The following SLC1A1 variants were observed in gnomAD, a reference collection of about 807,000 sequenced individuals.
SLC1A1 encodes the protein excitatory amino acid transporter 3.
SLC1A1 carries 43 observed loss-of-function variants against 53.3 expected under a neutral mutation model. That is an observed-to-expected ratio of 0.81 (90% CI 0.63 to 1.04). SLC1A1 has a LOEUF of 1.04. Ranked by LOEUF, SLC1A1 falls within the 50% of genes least tolerant of loss-of-function variation. The probability of loss-of-function intolerance (pLI) is 0.00; values close to 1 mark genes in which losing one functional copy is unlikely to be tolerated. For missense variants in SLC1A1, 748 were observed against 664.9 expected (o/e 1.12, Z -1.37); for synonymous variants, 307 against 243.2 (o/e 1.26, Z -2.44).
chr9:4,534,488 T>C (rs1351030541), intron 1 of SLC1A1, among the ~76,000 whole-genome samples: 1 of 152,090 alleles, frequency 6.6e-6, no homozygotes, highest in Admixed American at 6.5e-5. Flanking sequence ...CCTGGACACA[T>C]ACACCCTCCC....
chr9:4,543,338 G>C (rs1817177953), intron 1 of SLC1A1, among the ~76,000 whole-genome samples: 1 of 152,016 alleles, frequency 6.6e-6, no homozygotes, highest in South Asian at 2.1e-4. Flanking sequence ...GCCGATGAAG[G>C]AAAAAAGATG....
At chr9:4,578,345 G>C (rs560066011) in intron 10 of SLC1A1, among the ~76,000 whole-genome samples, 1 of 152,316 alleles carries the variant, frequency 6.6e-6, no homozygotes, top group South Asian at 2.1e-4. Flanking sequence ...TATTCAAGTA[G>C]TGGCAATTAA....
chr9:4,576,816 G>C, intron 10 of SLC1A1, 53 bp downstream of exon 10: 2 of 1,522,358 alleles, frequency 1.3e-6, no homozygotes, highest in Non-Finnish European at 1.8e-6. Flanking sequence ...ATTACCGCCA[G>C]TAAAAATTGT....
At chr9:4,504,443 C>T (rs957269112) in intron 1 of SLC1A1, among the ~76,000 whole-genome samples, 4 of 152,168 alleles carry the variant, frequency 2.6e-5, no homozygotes, top group African/African-American at 4.8e-5. Context: ...TGAACAACTG[C>T]GTGGGTAAAC....
At chr9:4,505,342 C>T (rs1367535954) in intron 1 of SLC1A1, among the ~76,000 whole-genome samples, 1 of 152,124 alleles carries the variant, frequency 6.6e-6, no homozygotes. Context: ...AGCCACCGCA[C>T]CCGGCCCATA....
At chr9:4,501,081 G>C (rs1021928490) in intron 1 of SLC1A1, among the ~76,000 whole-genome samples, 2 of 152,210 alleles carry the variant, frequency 1.3e-5, no homozygotes, top group Non-Finnish European at 2.9e-5. Flanking sequence ...CCCTTTCTTA[G>C]TCTCAGAGTC....
At chr9:4,539,595 G>A (rs778557155) in intron 1 of SLC1A1, among the ~76,000 whole-genome samples, 2 of 151,308 alleles carry the variant, frequency 1.3e-5, no homozygotes, top group African/African-American at 2.4e-5. Context: ...TTTTTGAGAT[G>A]GAATCTCACT....
chr9:4,583,203 G>A lies in SLC1A1; in HGVS notation c.1328+31G>A, dbSNP rs1821265681. The A allele has an allele frequency of 1.2e-6, 2 of 1,613,918 alleles. No homozygotes were observed. The highest frequency in any genetic ancestry group is 1.7e-6 in the Non-Finnish European group (2 of 1,179,968). On this transcript the variant is annotated intron_variant, in intron 11 of 11. Transcript: ENST00000262352. The surrounding 1 kb of genome is among the most constrained non-coding windows in gnomAD (Gnocchi z 4.6). ...TTGGAATAAATGCACTGCCTTAGCT[G>A]GATGTGCAGGCGGGCTTCCCAGCCT...
At chr9:4,510,166 G>A (rs945460077) in intron 1 of SLC1A1, among the ~76,000 whole-genome samples, 1 of 152,192 alleles carries the variant, frequency 6.6e-6, no homozygotes, top group Non-Finnish European at 1.5e-5. Context: ...ACTGGTGGCT[G>A]TTGCTTAAGG....
At position 4,583,374 on chromosome 9, in the gene SLC1A1, C is replaced by T. The variant is rs541385907; in HGVS notation, c.1328+202C>T. On this transcript the variant is annotated intron_variant, in intron 11 of 11. Coordinates refer to ENST00000262352, the MANE Select transcript of SLC1A1 (RefSeq NM_004170.6). This position sits in a 1 kb window ranked among gnomAD's most constrained non-coding sequence, Gnocchi z 4.6. ...ACGTGGAGCAGTGATTTTAAAAAGC[C>T]GGTGAGCTCCATTAGCTCATTATAC... 8.5e-5 allele frequency among the ~76,000 whole-genome samples: 13 copies of T among 152,266 alleles called. 1 individual carries two copies. The South Asian group carries it at 2.1e-3, about 24-fold the overall frequency.
At chr9:4,516,455 A>G (rs1167017899) in intron 1 of SLC1A1, among the ~76,000 whole-genome samples, 2 of 152,186 alleles carry the variant, frequency 1.3e-5, no homozygotes, top group African/African-American at 4.8e-5. Context: ...CTTTTACCCA[A>G]AGTCTGAAAT....
chr9:4,565,489 G>A (rs1260867436), intron 4 of SLC1A1, among the ~76,000 whole-genome samples: 1 of 152,164 alleles, frequency 6.6e-6, no homozygotes, highest in East Asian at 1.9e-4. Context: ...GGGAAGCAAG[G>A]CACATCTTAC....
rs539573856 is a variant in SLC1A1 at position 4,552,167 on chromosome 9, G to T, written c.232+7460G>T. 5.3e-5 allele frequency among the ~76,000 whole-genome samples: 8 copies of T among 152,314 alleles called. No homozygotes were observed. The East Asian group carries it at 1.5e-3, about 29-fold the overall frequency. On this transcript the variant is annotated intron_variant, in intron 2 of 11. Coordinates refer to ENST00000262352, the MANE Select transcript of SLC1A1 (RefSeq NM_004170.6). The stretch of plus-strand genomic sequence containing the variant: ...GGACCTTCTATATATTGGAGGCATG[G>T]ACCTGGAAGACCATTCGTTCATTTA...
intron 1 of SLC1A1, 97 bp from the exon 2 acceptor site, chr9:4,544,470 A>T: frequency 9.4e-7 from 1 of 1,066,648 alleles, no homozygotes; most frequent in Non-Finnish European, 1.5e-6. Context: ...TTTTCTTGCC[A>T]TTAAAATGTG....
At chr9:4,506,239 G>A (rs973277306) in intron 1 of SLC1A1, among the ~76,000 whole-genome samples, 1 of 152,226 alleles carries the variant, frequency 6.6e-6, no homozygotes, top group African/African-American at 2.4e-5. Flanking sequence ...TTACAGGCAT[G>A]AGCCATCATG....
chr9:4,559,776 C>T (rs889875908), intron 2 of SLC1A1: 1 of 152,162 alleles, frequency 6.6e-6, no homozygotes, highest in Non-Finnish European at 1.5e-5. Context: ...AAATATGACC[C>T]TCATTTTGGA....
intron 1 of SLC1A1, among the ~76,000 whole-genome samples, chr9:4,532,693 A>G (rs1358622458): frequency 6.6e-6 from 1 of 152,194 alleles, no homozygotes; most frequent in Admixed American, 6.5e-5. Flanking sequence ...CCAACATTCA[A>G]ATTCAGGAAA....
intron 1 of SLC1A1, among the ~76,000 whole-genome samples, chr9:4,510,533 T>A (rs968782910): frequency 2.0e-5 from 3 of 152,166 alleles, no homozygotes; most frequent in African/African-American, 7.2e-5. Flanking sequence ...GTACCTGGCT[T>A]CCAGTACAGG....
intron 1 of SLC1A1, among the ~76,000 whole-genome samples, chr9:4,498,953 C>T (rs1262972276): frequency 2.1e-5 from 3 of 140,780 alleles, no homozygotes; most frequent in African/African-American, 5.3e-5. Flanking sequence ...ATAATATATA[C>T]ATATATATTA....
Sources: allele counts gnomAD v4.1 joint callset (sites outside exome capture counted in the v4.1 genomes callset), GRCh38; gene constraint gnomAD v4.1.1; non-coding constraint Gnocchi (gnomAD v3.1); transcripts MANE v1.5; gene names NCBI Gene and HGNC (gene_info 2026-07-23, HGNC 2026-07-21).